PSMA3: variants seen among roughly 807,000 people sequenced by gnomAD.
The protein encoded by PSMA3 is proteasome subunit alpha type-3.
Under a neutral mutation model 40.0 loss-of-function variants are expected in PSMA3, and 8 were observed. The observed-to-expected ratio is 0.20, with a 90% CI of 0.12 to 0.36. PSMA3 has a LOEUF of 0.36. Ranked by LOEUF, PSMA3 falls within the 10% of genes least tolerant of loss-of-function variation. The probability of loss-of-function intolerance (pLI) is 1.00; values close to 1 mark genes in which losing one functional copy is unlikely to be tolerated. For synonymous variants in PSMA3, 110 were observed against 100.0 expected (o/e 1.10, Z -0.59); for missense variants, 219 against 310.6 (o/e 0.70, Z 2.22).
At chr14:58,265,811 C>T (rs1187346582) in intron 7 of PSMA3, 1 of 152,172 alleles carries the variant, frequency 6.6e-6, no homozygotes, top group African/African-American at 2.4e-5. Flanking sequence ...CATTCTTTCC[C>T]TTCCCATCAC....
intron 6 of PSMA3, 87 bp downstream of exon 6, chr14:58,261,107 T>C: frequency 1.1e-6 from 1 of 927,044 alleles, no homozygotes; most frequent in East Asian, 2.8e-5. Context: ...TTATATGAAA[T>C]TAAAAAAAAA....
chr14:58,259,243 C>T (rs1566641182), intron 5 of PSMA3, among the ~76,000 whole-genome samples: 5 of 152,196 alleles, frequency 3.3e-5, no homozygotes, highest in African/African-American at 1.2e-4. Context: ...CTGAGTTCAT[C>T]AGTTAACTTC....
Position 58,271,985 on chromosome 14 carries a change from A to G in PSMA3, c.*90A>G. On this transcript the variant is annotated 3_prime_UTR_variant, in exon 11 of 11. Coordinates refer to ENST00000216455, the MANE Select transcript of PSMA3 (RefSeq NM_002788.4). ...GGATTATACATACTGTCCAATTTTC[A>G]TTAAATTTTTGTCTTATAACTATTG... 3.0e-6 allele frequency: 3 copies of G among 993,858 alleles called. No individual in the cohort carries two copies. The East Asian group carries it at 7.9e-5, about 26-fold the overall frequency. The allele number at this position is 993,858 out of a possible 1,614,324, so 61.6% of individuals were successfully genotyped here. A position where few individuals can be genotyped will look rare whatever the true frequency, so the allele number is the denominator to read the frequency against.
rs35510234 is a variant in PSMA3, at chr14:58,262,565, A to AT, written c.478-1125dup. ...TAAGAGCTTTCCCTAAATTATTACC[A>AT]TTTTTTTTTTTTTTTGAGACAGAGT... On this transcript the variant is annotated intron_variant, in intron 6 of 10. Transcript: ENST00000216455. Among the ~76,000 whole-genome samples, 790 of 141,480 alleles carry AT rather than the reference A, an allele frequency of 5.6e-3. 8 individuals are homozygous for AT. Among genetic ancestry groups the AT allele is most frequent in the African/African-American group, 0.013 (505 of 38,196 alleles). The allele number at this position is 141,480 out of a possible 152,430, so 92.8% of individuals were successfully genotyped here. A position where few individuals can be genotyped will look rare whatever the true frequency, so the allele number is the denominator to read the frequency against.
intron 3 of PSMA3, among the ~76,000 whole-genome samples, chr14:58,253,696 CA>C (rs1305223517): frequency 1.3e-5 from 2 of 152,148 alleles, no homozygotes; most frequent in Non-Finnish European, 2.9e-5. Flanking sequence ...CGGGTTCAAG[CA>C]ATTCTCCTGC....
At chr14:58,259,835 T>C (rs755241533) in intron 5 of PSMA3, among the ~76,000 whole-genome samples, 8 of 152,160 alleles carry the variant, frequency 5.3e-5, no homozygotes, top group African/African-American at 1.2e-4. Context: ...CAGAGAGAGT[T>C]AAGTATGCTT....
At chr14:58,245,703 A>T (rs1372627520) in intron 1 of PSMA3, among the ~76,000 whole-genome samples, 2 of 152,228 alleles carry the variant, frequency 1.3e-5, no homozygotes, top group African/African-American at 4.8e-5. Context: ...CCTTTTATGT[A>T]CTTCTCTATA....
At chr14:58,263,883 G>C in intron 7 of PSMA3, 113 bp downstream of exon 7, 1 of 899,810 alleles carries the variant, frequency 1.1e-6, no homozygotes, top group Admixed American at 2.0e-5. Context: ...GCTTCCCTGG[G>C]CCACACATAA....
At chr14:58,260,029 G>T (rs1216390846) in intron 5 of PSMA3, among the ~76,000 whole-genome samples, 1 of 152,194 alleles carries the variant, frequency 6.6e-6, no homozygotes, top group African/African-American at 2.4e-5. Context: ...AATGACGGTA[G>T]GGATGGGAAT....
intron 1 of PSMA3, among the ~76,000 whole-genome samples, chr14:58,245,685 A>G (rs1202632682): frequency 3.3e-5 from 5 of 152,192 alleles, no homozygotes; most frequent in Non-Finnish European, 7.3e-5. Flanking sequence ...ATGTGCAGTC[A>G]GTTTACTCCT....
At chr14:58,271,812 T>C in intron 10 of PSMA3, 39 bp from the exon 11 acceptor site, 1 of 1,520,052 alleles carries the variant, frequency 6.6e-7, no homozygotes, top group Non-Finnish European at 9.1e-7. Flanking sequence ...ATATAACAAT[T>C]TTAAAAATCA....
rs373005377 is a variant in PSMA3 at position 58,247,827 on chromosome 14, T to C, written c.99T>C (p.Asn33=). The C allele has an allele frequency of 2.5e-6, 4 of 1,586,910 alleles. No individual in the cohort carries two copies. The highest frequency in any genetic ancestry group is 1.1e-5 in the South Asian group (1 of 89,466). ...QVEYAMKAVE[N]SSTAIGIRCK... is the part of the protein sequence containing the mutation. The stretch of plus-strand genomic sequence containing the variant: ...AATATGCTATGAAGGCTGTGGAAAA[T>C]AGTAGGTAAGAAACATTTAACCAGG... Residue 33 remains asparagine (N), a synonymous_variant, in exon 2 of 11, where the codon AAT becomes AAC. Coordinates refer to ENST00000216455, the MANE Select transcript of PSMA3 (RefSeq NM_002788.4).
At chr14:58,249,513 A>C (rs1040607287) in intron 2 of PSMA3, among the ~76,000 whole-genome samples, 2 of 151,492 alleles carry the variant, frequency 1.3e-5, no homozygotes, top group African/African-American at 2.4e-5. Context: ...TTTTAAAAAA[A>C]ACTTTTTTTG....
intron 9 of PSMA3, 135 bp from the exon 10 acceptor site, chr14:58,270,799 C>T (rs1890592736): frequency 1.2e-5 from 10 of 812,446 alleles, no homozygotes; most frequent in South Asian, 6.2e-5. Flanking sequence ...CAAAAATATT[C>T]GAGTATTACT....
intron 3 of PSMA3, among the ~76,000 whole-genome samples, chr14:58,254,995 T>C (rs1285349366): frequency 6.6e-6 from 1 of 152,212 alleles, no homozygotes; most frequent in African/African-American, 2.4e-5. Context: ...TATTAAAGAT[T>C]GTGATACCAC....
chr14:58,255,051 G>A (rs1387322280), intron 3 of PSMA3, among the ~76,000 whole-genome samples: 1 of 152,012 alleles, frequency 6.6e-6, no homozygotes, highest in Non-Finnish European at 1.5e-5. Flanking sequence ...TCAAAAACTT[G>A]GTTGGTTTAT....
At chr14:58,254,016 G>A (rs1244147421) in intron 3 of PSMA3, among the ~76,000 whole-genome samples, 2 of 151,778 alleles carry the variant, frequency 1.3e-5, no homozygotes, top group African/African-American at 4.8e-5. Context: ...ACTAAGCCTA[G>A]GACCCAATAG....
At chr14:58,260,564 GGT>G (rs775369988) in intron 5 of PSMA3, among the ~76,000 whole-genome samples, 1 of 152,106 alleles carries the variant, frequency 6.6e-6, no homozygotes, top group Non-Finnish European at 1.5e-5. Flanking sequence ...TAGAATGAAG[GGT>G]GGAAAGAATT....
intron 1 of PSMA3, among the ~76,000 whole-genome samples, 198 bp from the exon 2 acceptor site, chr14:58,247,552 T>G (rs1226878845): frequency 6.6e-6 from 1 of 152,222 alleles, no homozygotes; most frequent in Non-Finnish European, 1.5e-5. Flanking sequence ...CCATTACTCT[T>G]CAATAGCTGA....
Sources: allele counts gnomAD v4.1 joint callset (sites outside exome capture counted in the v4.1 genomes callset), GRCh38; gene constraint gnomAD v4.1.1; transcripts MANE v1.5; gene names NCBI Gene and HGNC (gene_info 2026-07-23, HGNC 2026-07-21).